Variants in SLC4A10 observed in about 807,000 individuals in gnomAD.
SLC4A10 encodes the protein sodium-driven chloride bicarbonate exchanger.
In SLC4A10, 42 loss-of-function variants were observed where a neutral mutation model predicts 137.7. The observed-to-expected ratio is 0.30, with a 90% CI of 0.24 to 0.39. The LOEUF is 0.39. Among genes scored for constraint, SLC4A10 ranks in the 10% least tolerant of loss-of-function variants. The pLI is 1.00. For missense variants in SLC4A10, 925 were observed against 1,355.0 expected (o/e 0.68, Z 4.98); for synonymous variants, 474 against 464.1 (o/e 1.02, Z -0.27).
At chr2:161,768,157 A>G (rs557712926) in intron 1 of SLC4A10, among the ~76,000 whole-genome samples, 1 of 152,060 alleles carries the variant, frequency 6.6e-6, no homozygotes, top group African/African-American at 2.4e-5. Flanking sequence ...CCCAATTATA[A>G]TCTATTTTTC....
intron 1 of SLC4A10, among the ~76,000 whole-genome samples, chr2:161,683,135 C>G (rs1412150062): frequency 1.3e-5 from 2 of 151,924 alleles, no homozygotes; most frequent in East Asian, 3.9e-4. Flanking sequence ...ATTGGGGACC[C>G]CCATACAGCA....
intron 2 of SLC4A10, among the ~76,000 whole-genome samples, chr2:161,786,107 T>C (rs1300900058): frequency 6.6e-6 from 1 of 151,936 alleles, no homozygotes; most frequent in Non-Finnish European, 1.5e-5. Flanking sequence ...GGTCAGGTAT[T>C]GGGTATAAAT....
chr2:161,848,423 T>C (rs1291828650), intron 4 of SLC4A10, among the ~76,000 whole-genome samples: 1 of 152,188 alleles, frequency 6.6e-6, no homozygotes, highest in Non-Finnish European at 1.5e-5. Flanking sequence ...TTGCAATTGC[T>C]TTTGGCATCT....
At chr2:161,957,373 T>C (rs908535230) in intron 20 of SLC4A10, 133 bp downstream of exon 20, 5 of 1,072,596 alleles carry the variant, frequency 4.7e-6, no homozygotes, top group Non-Finnish European at 6.6e-6. Context: ...TTCTGAACCA[T>C]GTTTATATAA....
At chr2:161,913,001 A>T (rs1422176233) in intron 15 of SLC4A10, among the ~76,000 whole-genome samples, 1 of 152,156 alleles carries the variant, frequency 6.6e-6, no homozygotes, top group African/African-American at 2.4e-5. Flanking sequence ...TCCTTGAGTA[A>T]ATCTTTCATG....
chr2:161,754,258 G>A (rs569697541), intron 1 of SLC4A10, among the ~76,000 whole-genome samples: 1 of 152,164 alleles, frequency 6.6e-6, no homozygotes, highest in Admixed American at 6.5e-5. Flanking sequence ...TTTAATCTCA[G>A]GGACTATTAA....
intron 1 of SLC4A10, among the ~76,000 whole-genome samples, chr2:161,673,150 C>T (rs533501850): frequency 6.6e-6 from 1 of 152,174 alleles, no homozygotes; most frequent in Admixed American, 6.5e-5. Context: ...TAATTAACAA[C>T]AGAATTCACT....
At chr2:161,724,117 C>G (rs1320315799) in intron 1 of SLC4A10, among the ~76,000 whole-genome samples, 1 of 152,150 alleles carries the variant, frequency 6.6e-6, no homozygotes, top group African/African-American at 2.4e-5. Flanking sequence ...TCAAAATCTG[C>G]CCGTTCTTTT....
chr2:161,707,557 T>C (rs191409873), intron 1 of SLC4A10, among the ~76,000 whole-genome samples: 1 of 151,448 alleles, frequency 6.6e-6, no homozygotes, highest in African/African-American at 2.4e-5. Context: ...ATTTTTGAGA[T>C]ATTGATTCTA....
At chr2:161,926,699 G>C (rs951220270) in intron 15 of SLC4A10, among the ~76,000 whole-genome samples, 18 of 147,664 alleles carry the variant, frequency 1.2e-4, no homozygotes, top group African/African-American at 4.2e-4. Flanking sequence ...GCTGGTACCA[G>C]TTGTTCCTCT....
intron 3 of SLC4A10, among the ~76,000 whole-genome samples, chr2:161,835,826 G>A (rs962033253): frequency 1.3e-5 from 2 of 152,180 alleles, no homozygotes; most frequent in Non-Finnish European, 2.9e-5. Flanking sequence ...GAAACTTAAG[G>A]AGAAAGTCAC....
Position 161,983,629 on chromosome 2 carries a change from T to C in SLC4A10, c.*477T>C, listed in dbSNP as rs1700511712. ...CAGAAGAATTTTTGAAAGGTAGTCT[T>C]ACTTCTTTTTAGTTTTTATAGCTTA... is the stretch of plus-strand genomic sequence containing the variant. On this transcript the variant is annotated 3_prime_UTR_variant, in exon 27 of 27. Coordinates refer to ENST00000446997, the MANE Select transcript of SLC4A10 (RefSeq NM_001178015.2). The C allele has an allele frequency of 6.2e-6, 1 of 161,126 alleles. No individual in the cohort carries two copies. Among genetic ancestry groups the C allele is most frequent in the Non-Finnish European group, 1.3e-5 (1 of 74,302 alleles). The allele number at this position is 161,126 out of a possible 1,614,324, so 10.0% of individuals were successfully genotyped here.
intron 21 of SLC4A10, among the ~76,000 whole-genome samples, chr2:161,961,031 A>T (rs1696615767): frequency 6.6e-6 from 1 of 152,166 alleles, no homozygotes; most frequent in Non-Finnish European, 1.5e-5. Context: ...TTAGCCCAAC[A>T]CTCCAATGTT....
chr2:161,871,545 C>G lies in SLC4A10; in HGVS notation c.767-748C>G, dbSNP rs536979821. Reference sequence around the variant, plus strand: ...AGCCATTGCCACACTCCCAGAGCTACTATCCACTTAATTCTCATCATCTTC... The same window carrying G: ...AGCCATTGCCACACTCCCAGAGCTAGTATCCACTTAATTCTCATCATCTTC... On this transcript the variant is annotated intron_variant, in intron 6 of 26. Coordinates refer to ENST00000446997, the MANE Select transcript of SLC4A10 (RefSeq NM_001178015.2). Among the ~76,000 whole-genome samples the G allele has an allele frequency of 4.6e-5, 7 of 152,126 alleles. No homozygotes were observed. In the East Asian group the frequency reaches 1.4e-3, roughly 29 times the overall value.
chr2:161,948,257 C>T (rs945964324), intron 17 of SLC4A10, among the ~76,000 whole-genome samples: 4 of 151,504 alleles, frequency 2.6e-5, no homozygotes, highest in South Asian at 2.1e-4. Context: ...TGTCTGATTC[C>T]GCCAAAAAAA....
At chr2:161,945,131 T>G (rs932770806) in intron 16 of SLC4A10, among the ~76,000 whole-genome samples, 8 of 146,204 alleles carry the variant, frequency 5.5e-5, no homozygotes, top group African/African-American at 2.0e-4. Context: ...CAGTTTCATC[T>G]TACTATTTAA....
chr2:161,822,842 A>C (rs1476415556), intron 3 of SLC4A10, among the ~76,000 whole-genome samples: 1 of 152,066 alleles, frequency 6.6e-6, no homozygotes, highest in East Asian at 1.9e-4. Flanking sequence ...AGACATGGTG[A>C]TGCGCACCTG....
At chr2:161,724,366 C>T (rs776860289) in intron 1 of SLC4A10, among the ~76,000 whole-genome samples, 33 of 152,194 alleles carry the variant, frequency 2.2e-4, no homozygotes, top group Non-Finnish European at 1.5e-4. Flanking sequence ...TGGTCATCTC[C>T]TGCCACATCC....
intron 6 of SLC4A10, among the ~76,000 whole-genome samples, chr2:161,868,946 A>G (rs1317768197): frequency 6.6e-6 from 1 of 151,650 alleles, no homozygotes; most frequent in Non-Finnish European, 1.5e-5. Context: ...ATTCATTTAT[A>G]GGAAATAATA....
Sources: allele counts gnomAD v4.1 joint callset (sites outside exome capture counted in the v4.1 genomes callset), GRCh38; gene constraint gnomAD v4.1.1; transcripts MANE v1.5; gene names NCBI Gene and HGNC (gene_info 2026-07-23, HGNC 2026-07-21).